Variants in ANO2 observed in about 807,000 individuals in gnomAD.
ANO2 encodes anoctamin 2, also known as anoctamin-2.
In ANO2, 101 loss-of-function variants were observed where a neutral mutation model predicts 124.2. The observed-to-expected ratio is 0.81, with a 90% CI of 0.69 to 0.96. The LOEUF is 0.96. ANO2 is among the 40% of genes least tolerant of loss of function. ANO2 has a pLI of 0.00. For missense variants in ANO2, 1,293 were observed against 1,274.5 expected (o/e 1.01, Z -0.22); for synonymous variants, 486 against 482.5 (o/e 1.01, Z -0.09).
At chr12:5,595,366 G>GTT (rs71445655) in intron 20 of ANO2, among the ~76,000 whole-genome samples, 14 of 150,552 alleles carry the variant, frequency 9.3e-5, no homozygotes, top group Middle Eastern at 3.4e-3. Flanking sequence ...ACACTCTACT[G>GTT]TTTTTTTTTC....
At chr12:5,916,316 G>A (rs1941371166) in intron 3 of ANO2, among the ~76,000 whole-genome samples, 1 of 151,718 alleles carries the variant, frequency 6.6e-6, no homozygotes, top group African/African-American at 2.4e-5. Flanking sequence ...CAATGTACAT[G>A]CAGAACGTGA....
intron 14 of ANO2, among the ~76,000 whole-genome samples, chr12:5,656,948 C>T (rs1046563654): frequency 6.6e-6 from 1 of 152,184 alleles, no homozygotes; most frequent in Non-Finnish European, 1.5e-5. Context: ...GGGACCCAGA[C>T]ATTGCAGCAG....
intron 24 of ANO2, 53 bp from the exon 25 acceptor site, chr12:5,563,621 G>C: frequency 6.3e-7 from 1 of 1,599,834 alleles, no homozygotes; most frequent in Non-Finnish European, 8.5e-7. Context: ...GGCCTGGGGA[G>C]GTGGCGGCCC....
chr12:5,923,331 T>C (rs988364794), intron 1 of ANO2, among the ~76,000 whole-genome samples: 1 of 151,692 alleles, frequency 6.6e-6, no homozygotes, highest in African/African-American at 2.4e-5. Flanking sequence ...ATCATGGCTG[T>C]CATAATCTCT....
chr12:5,677,112 CG>C (rs1027460465), intron 14 of ANO2, among the ~76,000 whole-genome samples: 4 of 149,344 alleles, frequency 2.7e-5, no homozygotes, highest in Non-Finnish European at 5.9e-5. Context: ...AGAGAAGAGA[CG>C]GGGGTCTCAG....
At chr12:5,704,676 G>C (rs1350819064) in intron 14 of ANO2, among the ~76,000 whole-genome samples, 1 of 149,922 alleles carries the variant, frequency 6.7e-6, no homozygotes, top group Non-Finnish European at 1.5e-5. Flanking sequence ...TCTTTAGCAA[G>C]AGTAAGTGCT....
At chr12:5,689,688 C>T (rs567096559) in intron 14 of ANO2, among the ~76,000 whole-genome samples, 5 of 152,198 alleles carry the variant, frequency 3.3e-5, no homozygotes, top group Non-Finnish European at 5.9e-5. Context: ...TAGGTGGACA[C>T]GGACTCCTGT....
chr12:5,791,178 G>A (rs1196265447), intron 10 of ANO2, among the ~76,000 whole-genome samples: 1 of 152,096 alleles, frequency 6.6e-6, no homozygotes, highest in African/African-American at 2.4e-5. Context: ...TTGCTTGGGT[G>A]TCTGGTTGCC....
At chr12:5,762,870 T>A (rs1363280448) in intron 10 of ANO2, among the ~76,000 whole-genome samples, 1 of 151,980 alleles carries the variant, frequency 6.6e-6, no homozygotes, top group African/African-American at 2.4e-5. Context: ...AACAAAAACT[T>A]GTGTCTTACC....
Position 5,906,794 on chromosome 12 carries a change from A to AAAATAAATAAATAAATAAATAAAT in ANO2, c.534+14222_534+14245dup, listed in dbSNP as rs551277367. ...TGGTGACAGAGTGAGACTCTGTCTCAAAATAAATAAATAAATAAATAAATA... is the reference window on the plus strand; with the variant it reads ...TGGTGACAGAGTGAGACTCTGTCTCAAAATAAATAAATAAATAAATAAATAAATAAATAAATAAATAAATAAATA... On this transcript the variant is annotated intron_variant, in intron 3 of 24. Coordinates refer to ENST00000682330, the MANE Select transcript of ANO2 (RefSeq NM_001364791.2). Among the ~76,000 whole-genome samples the AAAATAAATAAATAAATAAATAAAT allele has an allele frequency of 2.9e-3, 439 of 151,322 alleles. 3 individuals are homozygous for AAAATAAATAAATAAATAAATAAAT. Among genetic ancestry groups the AAAATAAATAAATAAATAAATAAAT allele is most frequent in the African/African-American group, 0.01 (418 of 41,180 alleles).
intron 10 of ANO2, among the ~76,000 whole-genome samples, chr12:5,759,916 GA>G (rs1323576349): frequency 6.6e-6 from 1 of 152,060 alleles, no homozygotes; most frequent in African/African-American, 2.4e-5. Flanking sequence ...AAATGTTAAA[GA>G]AAGATCTTTG....
At chr12:5,722,854 T>C (rs1315035821) in intron 14 of ANO2, among the ~76,000 whole-genome samples, 1 of 152,218 alleles carries the variant, frequency 6.6e-6, no homozygotes, top group Non-Finnish European at 1.5e-5. Context: ...CGGCTGCTTT[T>C]AAGGAGACAA....
intron 14 of ANO2, among the ~76,000 whole-genome samples, chr12:5,728,431 T>C (rs1950522032): frequency 6.6e-6 from 1 of 152,018 alleles, no homozygotes. Context: ...TAATTATCAA[T>C]AAATTTAACA....
At chr12:5,644,303 C>T (rs1053892074) in intron 15 of ANO2, among the ~76,000 whole-genome samples, 1 of 152,168 alleles carries the variant, frequency 6.6e-6, no homozygotes, top group East Asian at 1.9e-4. Flanking sequence ...TATGCAGTGC[C>T]ACTTGCATTA....
intron 10 of ANO2, among the ~76,000 whole-genome samples, chr12:5,759,524 G>A (rs948511305): frequency 5.3e-5 from 8 of 151,336 alleles, no homozygotes; most frequent in African/African-American, 1.7e-4. Flanking sequence ...CATCATTACT[G>A]CCTGAGCTCT....
intron 10 of ANO2, among the ~76,000 whole-genome samples, chr12:5,796,394 T>A (rs1393112674): frequency 6.7e-6 from 1 of 148,398 alleles, no homozygotes; most frequent in Non-Finnish European, 1.5e-5. Context: ...ACACACATAT[T>A]CTCTGGCACA....
At chr12:5,918,270 C>T (rs1413876775) in intron 3 of ANO2, among the ~76,000 whole-genome samples, 1 of 152,162 alleles carries the variant, frequency 6.6e-6, no homozygotes, top group African/African-American at 2.4e-5. Context: ...GGTGGAAAGA[C>T]TAACCCAGGA....
intron 14 of ANO2, among the ~76,000 whole-genome samples, chr12:5,655,374 C>T (rs1947105014): frequency 6.6e-6 from 1 of 152,152 alleles, no homozygotes; most frequent in African/African-American, 2.4e-5. Context: ...TTAAAAATCA[C>T]CCGCAGGACT....
chr12:5,599,452 C>A (rs1943821275), intron 20 of ANO2, 32 bp downstream of exon 20: 1 of 1,579,352 alleles, frequency 6.3e-7, no homozygotes, highest in Non-Finnish European at 8.6e-7. Flanking sequence ...CTGAACCTGC[C>A]CCCAGTGGAA....
Sources: gnomAD v4.1 joint callset for allele counts (sites outside exome capture counted in the v4.1 genomes callset) on GRCh38, gnomAD v4.1.1 for gene constraint, MANE v1.5 for transcripts, NCBI Gene and HGNC (gene_info 2026-07-23, HGNC 2026-07-21) for gene names.